Variants in PIK3R6 observed in about 807,000 individuals in gnomAD.
PIK3R6 encodes the protein phosphoinositide-3-kinase regulatory subunit 6.
PIK3R6 carries 91 observed loss-of-function variants against 84.9 expected under a neutral mutation model. The observed-to-expected ratio is 1.07, with a 90% CI of 0.90 to 1.28. The LOEUF (loss-of-function observed/expected upper bound fraction) is 1.28. Among genes scored for constraint, PIK3R6 ranks in the 50% most tolerant of loss-of-function variants. The pLI is 0.00. For synonymous variants in PIK3R6, 416 were observed against 411.4 expected, an observed-to-expected ratio of 1.01 and a Z score of -0.13; for missense variants, 996 against 985.1, an observed-to-expected ratio of 1.01 and a Z score of -0.15.
At position 8,835,407 on chromosome 17, in the gene PIK3R6, C is replaced by A. The variant is rs1375126568; in HGVS notation, c.511G>T (p.Ala171Ser). 6 of 1,607,940 alleles carry A rather than the reference C, an allele frequency of 3.7e-6. No homozygotes were observed. The highest frequency in any genetic ancestry group is 3.3e-5 in the South Asian group (3 of 90,706). ...GCCGCCTCGATCTCCAGTAGCAGAG[C>A]ACTGCACACAGACGCAGACACCAGC... Reference protein sequence around the residue: ...PELVSASVCSALLLEIEAAQA... With the variant: ...PELVSASVCSSLLLEIEAAQA... The change falls in exon 8 of 20, where the codon GCT becomes TCT. Residue 171 changes from alanine (A) to serine (S), a missense_variant. Transcript: ENST00000619866.
At position 8,829,088 on chromosome 17, in the gene PIK3R6, AACAC is replaced by A; in HGVS notation, c.890-102_890-99del. The A allele has an allele frequency of 2.6e-6, 3 of 1,167,264 alleles. 1 individual carries two copies. The South Asian group carries it at 5.4e-5, about 21-fold the overall frequency. The allele number at this position is 1,167,264 out of a possible 1,614,324, so 72.3% of individuals were successfully genotyped here. A position where few individuals can be genotyped will look rare whatever the true frequency, so the allele number is the denominator to read the frequency against. ...TCTTCAGAGGATACACACACACAGA[AACAC>A]AGACAGACACATAAAGACACACATA... On this transcript the variant is annotated intron_variant, in intron 10 of 19. Transcript: ENST00000619866.
At chr17:8,843,015 C>A (rs35820066) in intron 2 of PIK3R6, among the ~76,000 whole-genome samples, 18,448 of 152,180 alleles carry the variant, frequency 0.12, 1,251 homozygotes, top group Middle Eastern at 0.18. Flanking sequence ...ATCCCTGAAG[C>A]CCCCACTTGG....
rs751190732 is a variant in PIK3R6, at chr17:8,833,024, C to T, written c.667G>A (p.Glu223Lys). The change falls in exon 9 of 20, where the codon GAG becomes AAG. Residue 223 changes from glutamate (E) to lysine (K), a missense_variant. Glu to Lys is a moderately conservative substitution (Grantham distance 56, BLOSUM62 1). Transcript: ENST00000619866. ...GCCACCACGGCGTGGAAATAGTGCT[C>T]CAGGGTGCGGCGAGGGCTGGCCTGT... The part of the protein sequence containing the change: ...KLQASPRRTL[E>K]HYFHAVVAAL... 3 of 1,605,128 alleles carry T rather than the reference C, an allele frequency of 1.9e-6. No individual in the cohort carries two copies. Among genetic ancestry groups the T allele is most frequent in the Non-Finnish European group, 2.5e-6 (3 of 1,177,716 alleles).
At chr17:8,816,360 T>A (rs557845772) in intron 18 of PIK3R6, among the ~76,000 whole-genome samples, 1 of 152,278 alleles carries the variant, frequency 6.6e-6, no homozygotes, top group African/African-American at 2.4e-5. Flanking sequence ...TGTCCATAGT[T>A]TAGGAAGCAT....
chr17:8,828,868 T>G lies in PIK3R6; in HGVS notation c.1012A>C (p.Thr338Pro), dbSNP rs1486814544. 1.9e-6 allele frequency: 3 copies of G among 1,589,894 alleles called. No individual in the cohort carries two copies. The highest frequency in any genetic ancestry group is 1.7e-6 in the Non-Finnish European group (2 of 1,167,548). Reference sequence around the variant, plus strand: ...AGGTCCCGCTCAATGCCGCTGTCAGTGGACAGCACAGAAACCCGGGCCAAC... The same window carrying G: ...AGGTCCCGCTCAATGCCGCTGTCAGGGGACAGCACAGAAACCCGGGCCAAC... ...RELARVSVLSTDSGIERDLPT... is the reference protein window; with the variant it reads ...RELARVSVLSPDSGIERDLPT... Residue 338 changes from threonine (T) to proline (P), a missense_variant, in exon 11 of 20, where the codon ACT becomes CCT. By Grantham distance (38) the Thr-to-Pro change is conservative. Coordinates refer to ENST00000619866, the MANE Select transcript of PIK3R6 (RefSeq NM_001010855.4).
Position 8,823,438 on chromosome 17 carries a change from G to A in PIK3R6, c.1575C>T (p.Tyr525=), listed in dbSNP as rs1369683371. 5 of 1,613,016 alleles carry A rather than the reference G, an allele frequency of 3.1e-6. No homozygotes were observed. Among genetic ancestry groups the A allele is most frequent in the Non-Finnish European group, 2.5e-6 (3 of 1,179,180 alleles). The change falls in exon 14 of 20, where the codon TAC becomes TAT. Residue 525 remains tyrosine (Y), a synonymous_variant. Coordinates refer to ENST00000619866, the MANE Select transcript of PIK3R6 (RefSeq NM_001010855.4). Reference sequence around the variant, plus strand: ...TGGGTTGGGTGCCCATGCGGATGTAGTAGGTGATGACGTCTAGGATGAAGG... The same window carrying A: ...TGGGTTGGGTGCCCATGCGGATGTAATAGGTGATGACGTCTAGGATGAAGG... ...VDPFILDVIT[Y]YIRMGTQPIY...
intron 18 of PIK3R6, among the ~76,000 whole-genome samples, chr17:8,806,160 C>T (rs1329066858): frequency 6.6e-6 from 1 of 152,196 alleles, no homozygotes; most frequent in South Asian, 2.1e-4. Context: ...AAGCCAGGTA[C>T]GTTCTATTTG....
chr17:8,832,606 G>A (rs1284236018), intron 9 of PIK3R6, among the ~76,000 whole-genome samples: 1 of 145,186 alleles, frequency 6.9e-6, no homozygotes, highest in Non-Finnish European at 1.5e-5. Flanking sequence ...GTTTCCCCAT[G>A]TTGCCTAGGC....
In PIK3R6 at chr17:8,846,014, T is replaced by G. The variant is rs555170280; in HGVS notation, c.13+3768A>C. On this transcript the variant is annotated intron_variant, in intron 2 of 19. Transcript: ENST00000619866. Reference sequence around the variant, plus strand: ...TGTCGATTTTTGTTTTTGTTGCAATTGCTTTTGAGGACTTAGTCATAAATT... The same window carrying G: ...TGTCGATTTTTGTTTTTGTTGCAATGGCTTTTGAGGACTTAGTCATAAATT... 7.4e-4 allele frequency among the ~76,000 whole-genome samples: 112 copies of G among 152,328 alleles called. 1 individual carries two copies. The highest frequency in any genetic ancestry group is 1.5e-3 in the Admixed American group (23 of 15,296).
intron 17 of PIK3R6, among the ~76,000 whole-genome samples, chr17:8,820,522 C>T (rs1049292100): frequency 4.6e-5 from 7 of 152,162 alleles, no homozygotes; most frequent in African/African-American, 9.7e-5. Context: ...CCTGGCACCG[C>T]GCCCTTGATG....
rs768499667 is a variant in PIK3R6 at position 8,803,399 on chromosome 17, A to T, written c.2139T>A (p.Cys713Ter). 12 of 1,612,570 alleles carry T rather than the reference A, an allele frequency of 7.4e-6. No homozygotes were observed. The highest frequency in any genetic ancestry group is 1.0e-5 in the Non-Finnish European group (12 of 1,179,132). The stretch of plus-strand genomic sequence containing the variant: ...GTGCCTTGGACTTCTGGGCCCCAGA[A>T]CATGGTTCTGGGCAGGGAGCAACCT... ...RFEVAPCPEP[C>*]SGAQKSKAPW... is the part of the protein sequence containing the mutation. The change falls in exon 20 of 20, where the codon TGT (cysteine) becomes TGA (stop). Residue 713 changes from cysteine to a stop codon, truncating the protein, a stop_gained. Coordinates refer to ENST00000619866, the MANE Select transcript of PIK3R6 (RefSeq NM_001010855.4). LOFTEE classifies it low-confidence loss of function (END_TRUNC). The surrounding 1 kb of genome is among the most constrained non-coding windows in gnomAD (Gnocchi z 5.0).
intron 18 of PIK3R6, among the ~76,000 whole-genome samples, chr17:8,813,422 T>C (rs899248591): frequency 6.6e-6 from 1 of 152,166 alleles, no homozygotes; most frequent in East Asian, 1.9e-4. Flanking sequence ...TCAGTCACTC[T>C]GATACCAAAG....
At position 8,839,153 on chromosome 17, in the gene PIK3R6, A is replaced by G. The variant is rs1250623961; in HGVS notation, c.97+461T>C. Among the ~76,000 whole-genome samples, 2 of 152,012 alleles carry G rather than the reference A, an allele frequency of 1.3e-5. No homozygotes were observed. Among genetic ancestry groups the G allele is most frequent in the East Asian group, 3.9e-4 (2 of 5,160 alleles). ...ACTTGCGGTCAGGAGTTCGAGACCA[A>G]CCTGGCCAACATGGTGAAACTGCAT... On this transcript the variant is annotated intron_variant, in intron 3 of 19. Transcript: ENST00000619866. The surrounding 1 kb of genome is among the most constrained non-coding windows in gnomAD (Gnocchi z 4.2).
chr17:8,859,653 G>A (rs1251607048), intron 1 of PIK3R6, among the ~76,000 whole-genome samples: 23 of 152,176 alleles, frequency 1.5e-4, no homozygotes, highest in Admixed American at 1.5e-3. Flanking sequence ...GGAGGAGGAA[G>A]GGCAGATGTG....
At chr17:8,832,784 A>C (rs2088296141) in intron 9 of PIK3R6, 105 bp downstream of exon 9, 1 of 1,546,928 alleles carries the variant, frequency 6.5e-7, no homozygotes, top group African/African-American at 1.4e-5. Flanking sequence ...TCGGCCAGGC[A>C]CCCAGACAGA....
intron 7 of PIK3R6, among the ~76,000 whole-genome samples, chr17:8,836,345 G>T (rs576074615): frequency 1.3e-5 from 2 of 152,320 alleles, no homozygotes; most frequent in African/African-American, 4.8e-5. Flanking sequence ...CCTATCCTGT[G>T]TTCAGTGGTC....
At chr17:8,845,809 T>A (rs1003584470) in intron 2 of PIK3R6, among the ~76,000 whole-genome samples, 2 of 152,086 alleles carry the variant, frequency 1.3e-5, no homozygotes, top group African/African-American at 4.8e-5. Context: ...TAGCTAGGCG[T>A]AATGATGATC....
chr17:8,849,600 A>C (rs569277160), intron 2 of PIK3R6, among the ~76,000 whole-genome samples, 182 bp downstream of exon 2: 350 of 152,370 alleles, frequency 2.3e-3, no homozygotes, highest in African/African-American at 7.6e-3. Context: ...AGCCTTGTGC[A>C]AGTGTGTAGA....
Position 8,803,589 on chromosome 17 carries a change from G to C in PIK3R6, c.2109-160C>G. ...AAAGAGGAAGAGTCAGGACAAGAAA[G>C]AAAAACCTGGGCCTGGGGTTCACCG... On this transcript the variant is annotated intron_variant, in intron 19 of 19. Transcript: ENST00000619866. The surrounding 1 kb of genome is among the most constrained non-coding windows in gnomAD (Gnocchi z 5.0). 1.4e-6 allele frequency: 1 copy of C among 719,998 alleles called. No homozygotes were observed. Among genetic ancestry groups the C allele is most frequent in the South Asian group, 2.1e-5 (1 of 46,832 alleles). The allele number at this position is 719,998 out of a possible 1,614,324, so 44.6% of individuals were successfully genotyped here.
Sources: allele counts gnomAD v4.1 joint callset (sites outside exome capture counted in the v4.1 genomes callset), GRCh38; gene constraint gnomAD v4.1.1; non-coding constraint Gnocchi (gnomAD v3.1); transcripts MANE v1.5; gene names NCBI Gene and HGNC (gene_info 2026-07-23, HGNC 2026-07-21).